The following TXNL1 variants were observed in gnomAD, a reference collection of about 807,000 sequenced individuals.
TXNL1 encodes thioredoxin-like protein 1.
TXNL1 carries 14 observed loss-of-function variants against 35.5 expected under a neutral mutation model. The ratio of observed to expected loss-of-function variants is 0.39; its 90% confidence interval spans 0.26 to 0.62. The LOEUF (loss-of-function observed/expected upper bound fraction) is 0.62, where lower values mean the gene tolerates loss of function less well. Among genes scored for constraint, TXNL1 ranks in the 20% least tolerant of loss-of-function variants. The pLI is 0.47. For synonymous variants in TXNL1, 110 were observed against 115.5 expected, an observed-to-expected ratio of 0.95 and a Z score of 0.31; for missense variants, 263 against 349.7, an observed-to-expected ratio of 0.75 and a Z score of 1.98.
At chr18:56,619,111 G>C (rs1050865209) in intron 3 of TXNL1, among the ~76,000 whole-genome samples, 1 of 151,314 alleles carries the variant, frequency 6.6e-6, no homozygotes, top group Non-Finnish European at 1.5e-5. Flanking sequence ...CTAATTGGGA[G>C]GCTGAGCTGG....
At chr18:56,621,364 T>G (rs1384648872) in intron 3 of TXNL1, among the ~76,000 whole-genome samples, 2 of 152,156 alleles carry the variant, frequency 1.3e-5, no homozygotes, top group Admixed American at 6.5e-5. Flanking sequence ...CTGGCTAATT[T>G]TTGTATTTTT....
chr18:56,603,672 A>C (rs2023843292), intron 7 of TXNL1, among the ~76,000 whole-genome samples: 1 of 152,198 alleles, frequency 6.6e-6, no homozygotes, highest in Non-Finnish European at 1.5e-5. Flanking sequence ...TCTGGTTGCT[A>C]TATATGTGGC....
chr18:56,609,120 G>A (rs1250992023), intron 7 of TXNL1: 2 of 151,742 alleles, frequency 1.3e-5, no homozygotes, highest in Non-Finnish European at 2.9e-5. Flanking sequence ...GCAAATATCA[G>A]ATAAATATAG....
chr18:56,604,528 C>T (rs747788744), intron 7 of TXNL1: 30 of 152,146 alleles, frequency 2.0e-4, no homozygotes, highest in Non-Finnish European at 4.0e-4. Flanking sequence ...TCATCCCAAA[C>T]GTAAAGCTCT....
chr18:56,615,869 C>A (rs2024077825), intron 5 of TXNL1, among the ~76,000 whole-genome samples: 1 of 152,068 alleles, frequency 6.6e-6, no homozygotes, highest in Non-Finnish European at 1.5e-5. Flanking sequence ...GGTGCTCATG[C>A]CTATAATCTT....
At chr18:56,604,552 A>T (rs2023858250) in intron 7 of TXNL1, 1 of 152,230 alleles carries the variant, frequency 6.6e-6, no homozygotes, top group Admixed American at 6.5e-5. Flanking sequence ...ATTCATTCTT[A>T]AGTCTTTATA....
Position 56,624,316 on chromosome 18 carries a change from T to G in TXNL1, c.341A>C (p.Asn114Thr). The G allele has an allele frequency of 6.2e-7, 1 of 1,613,840 alleles. No individual in the cohort carries two copies. Among genetic ancestry groups the G allele is most frequent in the Non-Finnish European group, 8.5e-7 (1 of 1,179,822 alleles). ...KQHLENDPGS[N>T]EDTDIPKGYM... ...GCCTTTTGGAATATCTGTGTCCTCA[T>G]TGCTTCCAGGGTCATTTTCTAAGTG... The change falls in exon 3 of 8, where the codon AAT becomes ACT. Residue 114 changes from asparagine (N) to threonine (T), a missense_variant. By Grantham distance (65) the Asn-to-Thr change is moderately conservative (BLOSUM62 0). Transcript: ENST00000217515.
rs957885707 is a variant in TXNL1 at position 56,600,388 on chromosome 18, G to C, written c.*2639C>G. 2.8e-5 allele frequency: 4 copies of C among 144,458 alleles called. No individual in the cohort carries two copies. Among genetic ancestry groups the C allele is most frequent in the African/African-American group, 1.0e-4 (4 of 39,042 alleles). The allele number at this position is 144,458 out of a possible 1,614,324, so 8.9% of individuals were successfully genotyped here. A position where few individuals can be genotyped will look rare whatever the true frequency, so the allele number is the denominator to read the frequency against. ...TGCCTCCAACAGAATATTGAGACTG[G>C]GGAACAAAGTGGGGCAGGTTTCAAC... On this transcript the variant is annotated 3_prime_UTR_variant, in exon 8 of 8. Coordinates refer to ENST00000217515, the MANE Select transcript of TXNL1 (RefSeq NM_004786.3).
At chr18:56,621,802 C>A (rs559837429) in intron 3 of TXNL1, among the ~76,000 whole-genome samples, 1 of 151,840 alleles carries the variant, frequency 6.6e-6, no homozygotes, top group African/African-American at 2.4e-5. Flanking sequence ...GAGTTTGAGA[C>A]CAGCCTGGCC....
intron 3 of TXNL1, 64 bp from the exon 4 acceptor site, chr18:56,618,190 T>C: frequency 6.6e-7 from 1 of 1,517,530 alleles, no homozygotes; most frequent in African/African-American, 1.4e-5. Flanking sequence ...GTTTAAAAAA[T>C]TTAAATCTCT....
chr18:56,616,093 C>T, intron 5 of TXNL1, 152 bp downstream of exon 5: 1 of 596,848 alleles, frequency 1.7e-6, no homozygotes, highest in East Asian at 3.1e-5. Flanking sequence ...GATTGCACCA[C>T]CGCACTCCAG....
chr18:56,629,491 G>A (rs2024337008), intron 1 of TXNL1, among the ~76,000 whole-genome samples: 2 of 152,162 alleles, frequency 1.3e-5, no homozygotes, highest in Admixed American at 6.5e-5. Context: ...TCACACCACT[G>A]CACCCCAGCC....
At chr18:56,616,402 GA>G (rs893835455) in intron 4 of TXNL1, 88 bp from the exon 5 acceptor site, 1,149 of 1,052,638 alleles carry the variant, frequency 1.1e-3, no homozygotes, top group South Asian at 1.4e-3. Flanking sequence ...TAACAGGCAA[GA>G]AAAAAAAAAC....
intron 1 of TXNL1, among the ~76,000 whole-genome samples, chr18:56,628,586 T>C (rs369851600): frequency 6.6e-6 from 1 of 152,324 alleles, no homozygotes; most frequent in African/African-American, 2.4e-5. Flanking sequence ...GCATATACTA[T>C]ATGACTACAT....
intron 3 of TXNL1, among the ~76,000 whole-genome samples, chr18:56,624,067 A>G (rs1262837218): frequency 6.6e-6 from 1 of 152,208 alleles, no homozygotes; most frequent in Non-Finnish European, 1.5e-5. Flanking sequence ...AAATTAGGAG[A>G]AATTTAGGAA....
In TXNL1 at chr18:56,598,556, A is replaced by G. The variant is rs1272867751; in HGVS notation, c.*4471T>C. 2 of 152,614 alleles carry G rather than the reference A, an allele frequency of 1.3e-5. No individual in the cohort carries two copies. The highest frequency in any genetic ancestry group is 4.1e-4 in the South Asian group (2 of 4,826). The allele number at this position is 152,614 out of a possible 1,614,324, so 9.5% of individuals were successfully genotyped here. On this transcript the variant is annotated 3_prime_UTR_variant, in exon 8 of 8. Coordinates refer to ENST00000217515, the MANE Select transcript of TXNL1 (RefSeq NM_004786.3). ...GAAATGAGGGGCATGGGGAGGCTAG[A>G]GGAGGAGAGATTACATTACAAAGAC...
Position 56,601,883 on chromosome 18 carries a change from C to T in TXNL1, c.*1144G>A, listed in dbSNP as rs1337283365. The T allele has an allele frequency of 1.3e-5, 2 of 152,224 alleles. No individual in the cohort carries two copies. The highest frequency in any genetic ancestry group is 4.8e-5 in the African/African-American group (2 of 41,450). 9.4% of individuals were successfully genotyped at this position (152,224 alleles called of 1,614,324 possible). A position where few individuals can be genotyped will look rare whatever the true frequency, so the allele number is the denominator to read the frequency against. The stretch of plus-strand genomic sequence containing the variant: ...AGGTAACGAATAGGTATTTTACCAG[C>T]CTTTTGTGAAAGACCTTTTAAACAT... On this transcript the variant is annotated 3_prime_UTR_variant, in exon 8 of 8. Transcript: ENST00000217515.
At chr18:56,634,484 G>A (rs1221544698) in intron 1 of TXNL1, among the ~76,000 whole-genome samples, 1 of 152,190 alleles carries the variant, frequency 6.6e-6, no homozygotes, top group African/African-American at 2.4e-5. Flanking sequence ...TCCTTACACA[G>A]ACTAAGGAAT....
At chr18:56,606,443 TAAAAG>T (rs1209832873) in intron 7 of TXNL1, among the ~76,000 whole-genome samples, 39 of 152,266 alleles carry the variant, frequency 2.6e-4, no homozygotes, top group Non-Finnish European at 5.9e-5. Context: ...AGCAAACAAG[TAAAAG>T]AAAAGACATG....
Sources: allele counts gnomAD v4.1 joint callset (sites outside exome capture counted in the v4.1 genomes callset), GRCh38; gene constraint gnomAD v4.1.1; transcripts MANE v1.5; gene names NCBI Gene and HGNC (gene_info 2026-07-23, HGNC 2026-07-21).